MYO3B: variants seen among roughly 807,000 people sequenced by gnomAD.
The protein encoded by MYO3B is myosin-IIIb.
MYO3B carries 156 observed loss-of-function variants against 174.6 expected under a neutral mutation model. That is an observed-to-expected ratio of 0.89 (90% CI 0.78 to 1.02). The LOEUF is 1.02. Ranked by LOEUF, MYO3B falls within the 50% of genes least tolerant of loss-of-function variation. MYO3B has a pLI of 0.00. For synonymous variants in MYO3B, 563 were observed against 569.1 expected, an observed-to-expected ratio of 0.99 and a Z score of 0.15; for missense variants, 1,632 against 1,639.4, an observed-to-expected ratio of 1.00 and a Z score of 0.08.
At chr2:170,401,817 T>TTTTTTG in intron 18 of MYO3B, 126 bp downstream of exon 18, 1 of 920,868 alleles carries the variant, frequency 1.1e-6, no homozygotes, top group Non-Finnish European at 1.6e-6. Flanking sequence ...TTTTTTTTTT[T>TTTTTTG]GTGGAGTCAG....
At chr2:170,271,926 T>TTTCTTA (rs2093427724) in intron 7 of MYO3B, among the ~76,000 whole-genome samples, 1 of 152,132 alleles carries the variant, frequency 6.6e-6, no homozygotes, top group Non-Finnish European at 1.5e-5. Context: ...CTATTTGTAT[T>TTTCTTA]CAGGTTTCAG....
intron 32 of MYO3B, among the ~76,000 whole-genome samples, chr2:170,607,016 G>A (rs539429753): frequency 1.7e-4 from 26 of 152,128 alleles, no homozygotes; most frequent in East Asian, 3.9e-4. Context: ...GCGAAACTCC[G>A]TCTCAAAAAA....
chr2:170,237,664 G>A (rs1315472151), intron 7 of MYO3B, among the ~76,000 whole-genome samples: 1 of 152,042 alleles, frequency 6.6e-6, no homozygotes, highest in Non-Finnish European at 1.5e-5. Context: ...TTCCATCTTG[G>A]GAGAAGCCTC....
intron 32 of MYO3B, among the ~76,000 whole-genome samples, chr2:170,588,118 A>G (rs1412050526): frequency 6.6e-6 from 1 of 152,134 alleles, no homozygotes; most frequent in Non-Finnish European, 1.5e-5. Flanking sequence ...TGAGAACCCC[A>G]GGGACTTCAA....
intron 25 of MYO3B, among the ~76,000 whole-genome samples, chr2:170,492,199 A>T (rs1452700557): frequency 6.6e-6 from 1 of 152,254 alleles, no homozygotes; most frequent in African/African-American, 2.4e-5. Context: ...TGGCATAAGC[A>T]GCTGGTATTG....
At chr2:170,224,517 A>G (rs1008781943) in intron 6 of MYO3B, among the ~76,000 whole-genome samples, 3 of 152,032 alleles carry the variant, frequency 2.0e-5, no homozygotes, top group Non-Finnish European at 4.4e-5. Flanking sequence ...TAGTGGAAGT[A>G]TACTCTGAAA....
At chr2:170,507,222 T>A (rs568009990) in intron 28 of MYO3B, among the ~76,000 whole-genome samples, 1 of 152,134 alleles carries the variant, frequency 6.6e-6, no homozygotes, top group Admixed American at 6.5e-5. Context: ...TGAGATGCAC[T>A]GTGAACTGCA....
intron 32 of MYO3B, among the ~76,000 whole-genome samples, chr2:170,593,747 A>G (rs902556524): frequency 3.3e-5 from 5 of 152,242 alleles, no homozygotes; most frequent in African/African-American, 1.2e-4. Context: ...AATGAGCTCT[A>G]TACACTTGAA....
chr2:170,427,488 G>A (rs1166750567), intron 22 of MYO3B, among the ~76,000 whole-genome samples: 2 of 152,144 alleles, frequency 1.3e-5, no homozygotes, highest in African/African-American at 4.8e-5. Flanking sequence ...GTGTTTCTGG[G>A]CACTGGCGTT....
rs768974458 is a variant in MYO3B, at chr2:170,580,718, A to ATATG, written c.3733+36731_3733+36732insATGT. On this transcript the variant is annotated intron_variant, in intron 32 of 34. Transcript: ENST00000408978. ...CTTCAGGTCCCACAAAACCTTATATATGTGTGTGTGTGTGTGTGTGTGTGT... is the reference window on the plus strand; with the variant it reads ...CTTCAGGTCCCACAAAACCTTATATATATGTGTGTGTGTGTGTGTGTGTGTGTGT... Among the ~76,000 whole-genome samples the ATATG allele has an allele frequency of 7.1e-3, 1,014 of 142,764 alleles. 10 individuals carry two copies. Among genetic ancestry groups the ATATG allele is most frequent in the African/African-American group, 0.025 (957 of 38,242 alleles). The allele number at this position is 142,764 out of a possible 152,430, so 93.7% of individuals were successfully genotyped here. A position where few individuals can be genotyped will look rare whatever the true frequency, so the allele number is the denominator to read the frequency against.
At chr2:170,272,829 T>A (rs1437050175) in intron 7 of MYO3B, among the ~76,000 whole-genome samples, 1 of 152,210 alleles carries the variant, frequency 6.6e-6, no homozygotes, top group Non-Finnish European at 1.5e-5. Flanking sequence ...TGTAGCAAGA[T>A]CCTTAAGCCT....
At chr2:170,622,455 T>C (rs1696007708) in intron 32 of MYO3B, among the ~76,000 whole-genome samples, 1 of 152,164 alleles carries the variant, frequency 6.6e-6, no homozygotes, top group Non-Finnish European at 1.5e-5. Context: ...ACAAAAGGAA[T>C]ACAGTGAAAA....
At chr2:170,230,759 G>A (rs1163176888) in intron 6 of MYO3B, among the ~76,000 whole-genome samples, 3 of 152,138 alleles carry the variant, frequency 2.0e-5, no homozygotes, top group African/African-American at 7.2e-5. Flanking sequence ...CAGTGATCCA[G>A]TGATATCTAC....
chr2:170,570,508 G>A (rs1413622323), intron 32 of MYO3B, among the ~76,000 whole-genome samples: 2 of 152,298 alleles, frequency 1.3e-5, no homozygotes, highest in East Asian at 3.9e-4. Flanking sequence ...CATTCATTGA[G>A]CCAGAAAGTT....
rs376753491 is a variant in MYO3B at position 170,536,552 on chromosome 2, A to G, written c.3576-6354A>G. Among the ~76,000 whole-genome samples the G allele has an allele frequency of 3.3e-5, 5 of 152,318 alleles. 1 individual carries two copies. The East Asian group carries it at 9.6e-4, about 29-fold the overall frequency. On this transcript the variant is annotated intron_variant, in intron 30 of 34. Coordinates refer to ENST00000408978, the MANE Select transcript of MYO3B (RefSeq NM_138995.5). ...TTGTTTCCCTTATTTTCCTGCAATA[A>G]TGGTGATCTTATTGTGTACTGTTAC...
chr2:170,393,770 A>G (rs1159874914), intron 16 of MYO3B, among the ~76,000 whole-genome samples: 2 of 152,030 alleles, frequency 1.3e-5, no homozygotes, highest in Non-Finnish European at 2.9e-5. Context: ...CCAGCTGTTA[A>G]TTTTCTCTGT....
chr2:170,334,831 A>G (rs1043609169), intron 7 of MYO3B: 2 of 152,212 alleles, frequency 1.3e-5, no homozygotes, highest in African/African-American at 4.8e-5. Context: ...CTACCCAGGA[A>G]CTTCACGGAG....
chr2:170,436,677 G>C (rs530775572), intron 22 of MYO3B, among the ~76,000 whole-genome samples: 1 of 152,266 alleles, frequency 6.6e-6, no homozygotes, highest in Non-Finnish European at 1.5e-5. Flanking sequence ...GACACTGTAG[G>C]TAAAAATGCA....
chr2:170,591,967 C>T (rs561495729), intron 32 of MYO3B, among the ~76,000 whole-genome samples: 2 of 152,328 alleles, frequency 1.3e-5, no homozygotes, highest in African/African-American at 2.4e-5. Flanking sequence ...TTATTAAACA[C>T]GTACTCCATA....
Sources: allele counts gnomAD v4.1 joint callset (sites outside exome capture counted in the v4.1 genomes callset), GRCh38; gene constraint gnomAD v4.1.1; transcripts MANE v1.5; gene names NCBI Gene and HGNC (gene_info 2026-07-23, HGNC 2026-07-21).